The following KIFAP3 variants were observed in gnomAD, a reference collection of about 807,000 sequenced individuals.
KIFAP3 encodes kinesin associated protein 3.
Under a neutral mutation model 106.5 loss-of-function variants are expected in KIFAP3, and 68 were observed. The observed-to-expected ratio is 0.64, with a 90% CI of 0.53 to 0.78. The LOEUF (loss-of-function observed/expected upper bound fraction) is 0.78. Among genes scored for constraint, KIFAP3 ranks in the 30% least tolerant of loss-of-function variants. The pLI is 0.00. For synonymous variants in KIFAP3, 320 were observed against 311.5 expected (o/e 1.03, Z -0.29); for missense variants, 780 against 941.8 (o/e 0.83, Z 2.25).
chr1:170,020,907 G>T (rs981198226), intron 9 of KIFAP3, among the ~76,000 whole-genome samples: 14 of 151,924 alleles, frequency 9.2e-5, no homozygotes. Context: ...AGAAAACATA[G>T]GAAAAAATCT....
chr1:170,001,632 C>T (rs1190769294), intron 10 of KIFAP3, among the ~76,000 whole-genome samples: 1 of 151,984 alleles, frequency 6.6e-6, no homozygotes, highest in African/African-American at 2.4e-5. Flanking sequence ...GTGTAGTAGT[C>T]TATGAGGAGT....
upstream of KIFAP3, among the ~76,000 whole-genome samples, chr1:170,075,941 G>T (rs1458981303): frequency 6.6e-6 from 1 of 151,870 alleles, no homozygotes; most frequent in African/African-American, 2.4e-5. Flanking sequence ...TATTAATTCT[G>T]CAAACTAATG....
intron 18 of KIFAP3, among the ~76,000 whole-genome samples, chr1:169,957,546 A>T (rs2491088): frequency 0.32 from 48,523 of 151,984 alleles, 8,487 homozygotes; most frequent in East Asian, 0.69. Flanking sequence ...ATTGTGAATT[A>T]AAAAAAATAC....
At chr1:170,057,981 A>T (rs985799595) in intron 1 of KIFAP3, among the ~76,000 whole-genome samples, 1 of 152,124 alleles carries the variant, frequency 6.6e-6, no homozygotes, top group Non-Finnish European at 1.5e-5. Flanking sequence ...TTTTCTTTTA[A>T]TCTCAATGAG....
At chr1:170,076,890 G>A (rs565022597), upstream of KIFAP3, among the ~76,000 whole-genome samples, 1 of 152,320 alleles carries the variant, frequency 6.6e-6, no homozygotes, top group South Asian at 2.1e-4. Flanking sequence ...AGATCTAGCT[G>A]TCAGCATTTT....
intron 11 of KIFAP3, among the ~76,000 whole-genome samples, 189 bp from the exon 12 acceptor site, chr1:169,984,879 C>T (rs932558363): frequency 3.3e-5 from 5 of 151,776 alleles, no homozygotes; most frequent in Non-Finnish European, 7.4e-5. Context: ...AGTTAATGAA[C>T]TCTTAGATGC....
intron 1 of KIFAP3, among the ~76,000 whole-genome samples, chr1:170,063,225 G>C (rs190102115): frequency 6.6e-6 from 1 of 152,264 alleles, no homozygotes; most frequent in African/African-American, 2.4e-5. Flanking sequence ...CACAAGATTT[G>C]TATCTTCCCT....
intron 1 of KIFAP3, among the ~76,000 whole-genome samples, chr1:170,065,352 G>A (rs1275839508): frequency 2.0e-5 from 3 of 152,002 alleles, no homozygotes; most frequent in African/African-American, 4.8e-5. Context: ...AGTGGCTCAC[G>A]CCTGTAATCC....
At chr1:170,076,328 ACTGT>A (rs747217702), upstream of KIFAP3, among the ~76,000 whole-genome samples, 3 of 152,182 alleles carry the variant, frequency 2.0e-5, no homozygotes, top group African/African-American at 4.8e-5. Context: ...AACTAGATAA[ACTGT>A]CTGTCTGTGG....
At chr1:169,936,010 C>T (rs1463671167) in intron 19 of KIFAP3, among the ~76,000 whole-genome samples, 1 of 151,824 alleles carries the variant, frequency 6.6e-6, no homozygotes, top group Admixed American at 6.6e-5. Flanking sequence ...AAGATTATAG[C>T]TCATAATTAA....
At chr1:169,976,051 G>C (rs1342082646) in intron 16 of KIFAP3, among the ~76,000 whole-genome samples, 2 of 152,230 alleles carry the variant, frequency 1.3e-5, no homozygotes, top group East Asian at 3.9e-4. Flanking sequence ...AATTCTGTGG[G>C]CTTTGATAAT....
intron 9 of KIFAP3, among the ~76,000 whole-genome samples, chr1:170,018,629 A>T (rs923176937): frequency 5.5e-5 from 8 of 146,306 alleles, no homozygotes; most frequent in African/African-American, 2.0e-4. Context: ...TTTATGATTA[A>T]TCTTGCTCTA....
At chr1:170,006,644 G>A (rs1022771988) in intron 10 of KIFAP3, among the ~76,000 whole-genome samples, 3 of 152,174 alleles carry the variant, frequency 2.0e-5, no homozygotes, top group African/African-American at 7.2e-5. Flanking sequence ...AACTCTGCCA[G>A]TTTTGGTCCA....
chr1:170,029,614 A>AC (rs774369958), intron 8 of KIFAP3, among the ~76,000 whole-genome samples: 12 of 151,892 alleles, frequency 7.9e-5, no homozygotes, highest in Non-Finnish European at 1.6e-4. Flanking sequence ...AACAACAACA[A>AC]AAAATAAGAG....
upstream of KIFAP3, among the ~76,000 whole-genome samples, chr1:170,079,303 C>T (rs1671977429): frequency 6.6e-6 from 1 of 152,194 alleles, no homozygotes; most frequent in Non-Finnish European, 1.5e-5. Flanking sequence ...ATGGAAGCAG[C>T]CTGAAGCCCT....
intron 2 of KIFAP3, 95 bp from the exon 3 acceptor site, chr1:170,046,961 T>C (rs1027125958): frequency 1.5e-6 from 1 of 673,510 alleles, no homozygotes. Context: ...TAAATTATTA[T>C]AGAGAACCTG....
chr1:169,976,701 ACT>A (rs764632226), intron 16 of KIFAP3, among the ~76,000 whole-genome samples: 38 of 151,936 alleles, frequency 2.5e-4, no homozygotes, highest in Middle Eastern at 3.4e-3. Flanking sequence ...ACTCCTGGAA[ACT>A]CTATATGGTT....
chr1:170,020,729 A>G (rs1405404074), intron 9 of KIFAP3, among the ~76,000 whole-genome samples: 3 of 151,984 alleles, frequency 2.0e-5, no homozygotes, highest in African/African-American at 7.3e-5. Flanking sequence ...AGGCAATTTC[A>G]ATAAGGTACA....
At chr1:169,934,985 T>C (rs2101795396) in intron 19 of KIFAP3, among the ~76,000 whole-genome samples, 1 of 152,268 alleles carries the variant, frequency 6.6e-6, no homozygotes, top group South Asian at 2.1e-4. Context: ...TAGCCTAATA[T>C]ATATGAAGGC....
Sources: allele counts gnomAD v4.1 joint callset (sites outside exome capture counted in the v4.1 genomes callset), GRCh38; gene constraint gnomAD v4.1.1; transcripts MANE v1.5; gene names NCBI Gene and HGNC (gene_info 2026-07-23, HGNC 2026-07-21).